The following HIF3A variants were observed in gnomAD, a reference collection of about 807,000 sequenced individuals.
HIF3A encodes the protein hypoxia inducible factor 3 subunit alpha, also known as hypoxia-inducible factor 3-alpha.
HIF3A carries 41 observed loss-of-function variants against 67.2 expected under a neutral mutation model. The observed-to-expected ratio is 0.61, with a 90% CI of 0.48 to 0.79. The LOEUF (loss-of-function observed/expected upper bound fraction) is 0.79. Ranked by LOEUF, HIF3A falls within the 30% of genes least tolerant of loss-of-function variation. HIF3A has a pLI of 0.00. For synonymous variants in HIF3A, 356 were observed against 374.8 expected (o/e 0.95, Z 0.58); for missense variants, 855 against 898.0 (o/e 0.95, Z 0.61).
intron 1 of HIF3A, among the ~76,000 whole-genome samples, chr19:46,300,832 G>A (rs1267468986): frequency 1.3e-5 from 2 of 152,168 alleles, no homozygotes; most frequent in Non-Finnish European, 2.9e-5. Context: ...ACATCCAGAG[G>A]GCAGGCTGGG....
In HIF3A at chr19:46,342,951, TACCCC is replaced by T. The variant is rs1380247345; in HGVS notation, c.*3332_*3336del. The T allele has an allele frequency of 1.3e-5, 2 of 152,514 alleles. No homozygotes were observed. Among genetic ancestry groups the T allele is most frequent in the African/African-American group, 4.8e-5 (2 of 41,448 alleles). The allele number at this position is 152,514 out of a possible 1,614,324, so 9.4% of individuals were successfully genotyped here. ...TCCAGACATGCACTTACCTTGACTTTACCCCACATGTTTGGGGCACCTGGGGCTCC... is the reference window on the plus strand; with the variant it reads ...TCCAGACATGCACTTACCTTGACTTTACATGTTTGGGGCACCTGGGGCTCC... On this transcript the variant is annotated 3_prime_UTR_variant, in exon 15 of 15. Transcript: ENST00000377670.
intron 8 of HIF3A, among the ~76,000 whole-genome samples, chr19:46,316,395 T>C (rs968073614): frequency 4.0e-5 from 6 of 151,892 alleles, no homozygotes; most frequent in South Asian, 2.1e-4. Context: ...TTCTAATAGA[T>C]GTGCAGTGGG....
In HIF3A at chr19:46,339,795, A is replaced by C; in HGVS notation, c.*173A>C. ...GCCCTCACCCCTCTGCCTGCTCCCA[A>C]TCTGGGGGCTCTCTGGGGTGGTCTC... is the stretch of plus-strand genomic sequence containing the variant. On this transcript the variant is annotated 3_prime_UTR_variant, in exon 15 of 15. Transcript: ENST00000377670. 3 of 436,616 alleles carry C rather than the reference A, an allele frequency of 6.9e-6. No individual in the cohort carries two copies. The highest frequency in any genetic ancestry group is 3.5e-5 in the East Asian group (1 of 28,894). The allele number at this position is 436,616 out of a possible 1,614,324, so 27.0% of individuals were successfully genotyped here. A position where few individuals can be genotyped will look rare whatever the true frequency, so the allele number is the denominator to read the frequency against.
At position 46,297,840 on chromosome 19, in the gene HIF3A, C is replaced by T. The variant is rs375864963; in HGVS notation, c.26+738C>T. On this transcript the variant is annotated intron_variant, in intron 1 of 14. Transcript: ENST00000377670. This position sits in a 1 kb window ranked among gnomAD's most constrained non-coding sequence, Gnocchi z 4.5. ...CCTCATCTCACCCCTGCACCCCCAT[C>T]CTGAGAGACAGGGGAGCCTCATCCA... 6.6e-6 allele frequency among the ~76,000 whole-genome samples: 1 copy of T among 152,068 alleles called. No homozygotes were observed. The highest frequency in any genetic ancestry group is 6.5e-5 in the Admixed American group (1 of 15,270).
At chr19:46,310,257 G>A (rs1051269860) in intron 6 of HIF3A, among the ~76,000 whole-genome samples, 22 of 151,848 alleles carry the variant, frequency 1.4e-4, no homozygotes, top group African/African-American at 3.6e-4. Context: ...TTTGTCAGGC[G>A]GGTGGCATAT....
chr19:46,298,495 C>T (rs1243118398), intron 1 of HIF3A: 9 of 1,284,096 alleles, frequency 7.0e-6, no homozygotes, highest in Admixed American at 2.3e-5. Flanking sequence ...GCCCTTCAGC[C>T]AACGGGGGCC....
At chr19:46,329,184 T>TA (rs778238969) in intron 11 of HIF3A, 23 bp from the exon 12 acceptor site, 2 of 1,570,970 alleles carry the variant, frequency 1.3e-6, no homozygotes, top group East Asian at 4.5e-5. Context: ...CTCATCCTCT[T>TA]ACCTCCCTCC....
intron 11 of HIF3A, among the ~76,000 whole-genome samples, chr19:46,325,956 A>T (rs12986067): frequency 6.6e-6 from 1 of 152,238 alleles, no homozygotes; most frequent in Non-Finnish European, 1.5e-5. Context: ...TGTATTAGTT[A>T]TCTACTGTTG....
chr19:46,336,085 CTTT>C (rs1017798750), intron 14 of HIF3A, among the ~76,000 whole-genome samples: 9 of 79,394 alleles, frequency 1.1e-4, no homozygotes, highest in African/African-American at 3.8e-4. Context: ...CTCTCTCTCT[CTTT>C]TTTTTTTTTT....
intron 8 of HIF3A, among the ~76,000 whole-genome samples, chr19:46,314,731 G>A (rs897640418): frequency 2.7e-5 from 4 of 145,868 alleles, no homozygotes; most frequent in African/African-American, 1.0e-4. Context: ...GCTAATTTTT[G>A]TATTTTTAGT....
intron 1 of HIF3A, chr19:46,298,345 TCTTGGCTGAGCTCGGGTGCCCCCC>T: frequency 7.8e-7 from 1 of 1,277,902 alleles, no homozygotes; most frequent in Non-Finnish European, 1.0e-6. Flanking sequence ...TGGGGGCCCC[TCTTGGCTGAGCTCGGGTGCCCCCC>T]CTCCCCACCC....
intron 10 of HIF3A, among the ~76,000 whole-genome samples, chr19:46,324,772 T>A (rs530222894): frequency 6.6e-6 from 1 of 151,268 alleles, no homozygotes; most frequent in South Asian, 2.1e-4. Flanking sequence ...GAGAATCACT[T>A]GAATCCAGGA....
At chr19:46,304,417 A>G (rs773709949) in intron 2 of HIF3A, among the ~76,000 whole-genome samples, 5 of 152,114 alleles carry the variant, frequency 3.3e-5, no homozygotes, top group Admixed American at 6.5e-5. Flanking sequence ...TTGGTCCTCT[A>G]GGAGACTCTC....
intron 2 of HIF3A, chr19:46,304,893 C>T (rs1968695203): frequency 5.4e-6 from 2 of 370,958 alleles, no homozygotes; most frequent in Non-Finnish European, 5.2e-6. Context: ...CTCTATATTA[C>T]AATTCCCCTT....
chr19:46,327,263 T>G, intron 11 of HIF3A, among the ~76,000 whole-genome samples: 1 of 151,700 alleles, frequency 6.6e-6, no homozygotes, highest in Non-Finnish European at 1.5e-5. Flanking sequence ...TGTGAGCCAC[T>G]GTGCCTGGCC....
At chr19:46,331,485 C>T (rs1971214495) in intron 13 of HIF3A, 1 of 266,536 alleles carries the variant, frequency 3.8e-6, no homozygotes, top group South Asian at 1.4e-4. Context: ...CACTGCACCC[C>T]AGCATGAGCG....
chr19:46,298,336 G>T (rs1369146006), intron 1 of HIF3A: 1 of 1,266,388 alleles, frequency 7.9e-7, no homozygotes, highest in African/African-American at 1.5e-5. Context: ...CTGGCTGGGT[G>T]GGGGCCCCTC....
intron 9 of HIF3A, 22 bp downstream of exon 9, chr19:46,320,583 G>T: frequency 1.3e-6 from 2 of 1,581,968 alleles, no homozygotes; most frequent in East Asian, 2.2e-5. Context: ...GGCTGGGGCC[G>T]GGAGGGGTTG....
intron 2 of HIF3A, 74 bp downstream of exon 2, chr19:46,304,162 C>T (rs1238957024): frequency 2.2e-6 from 3 of 1,360,224 alleles, no homozygotes; most frequent in East Asian, 5.0e-5. Context: ...CCAGGGAGGC[C>T]CCTCCTCCGG....
Sources: allele counts gnomAD v4.1 joint callset (sites outside exome capture counted in the v4.1 genomes callset), GRCh38; gene constraint gnomAD v4.1.1; non-coding constraint Gnocchi (gnomAD v3.1); transcripts MANE v1.5; gene names NCBI Gene and HGNC (gene_info 2026-07-23, HGNC 2026-07-21).